STN1: variants seen among roughly 807,000 people sequenced by gnomAD.
STN1 encodes STN1 subunit of CST complex.
A neutral mutation model predicts 45.5 loss-of-function variants in STN1; 29 were observed. The observed-to-expected ratio is 0.64, with a 90% CI of 0.47 to 0.87. STN1 has a LOEUF of 0.87. Among genes scored for constraint, STN1 ranks in the 40% least tolerant of loss-of-function variants. STN1 has a pLI of 0.00. For synonymous variants in STN1, 148 were observed against 159.0 expected (o/e 0.93, Z 0.52); for missense variants, 376 against 441.4 (o/e 0.85, Z 1.33).
chr10:103,887,174 G>A (rs894498840), intron 9 of STN1, among the ~76,000 whole-genome samples: 1 of 152,192 alleles, frequency 6.6e-6, no homozygotes, highest in African/African-American at 2.4e-5. Flanking sequence ...ACATGTAACA[G>A]CATGCTGTCC....
chr10:103,900,274 C>T (rs1424454831), intron 4 of STN1, 51 bp from the exon 5 acceptor site: 2 of 1,576,878 alleles, frequency 1.3e-6, no homozygotes, highest in Admixed American at 1.7e-5. Flanking sequence ...AACACAATCA[C>T]TCTACCACAT....
chr10:103,908,655 C>T lies in STN1; in HGVS notation c.229+1872G>A, dbSNP rs142882365. On this transcript the variant is annotated intron_variant, in intron 3 of 9. Transcript: ENST00000224950. ...AGCAGTCAGATGCTTTTTATTTTCC[C>T]AAAGCCCACAGATGTTTCATGCTCC... Among the ~76,000 whole-genome samples, 596 of 152,242 alleles carry T rather than the reference C, an allele frequency of 3.9e-3. 8 individuals carry two copies. Among genetic ancestry groups the T allele is most frequent in the Non-Finnish European group, 3.9e-3 (262 of 67,996 alleles).
At chr10:103,906,071 T>C (rs563695079) in intron 3 of STN1, among the ~76,000 whole-genome samples, 91 of 152,318 alleles carry the variant, frequency 6.0e-4, no homozygotes, top group African/African-American at 2.0e-3. Context: ...AGGCAAAATT[T>C]GTTACTGCTG....
chr10:103,914,358 A>ATTT (rs1564636116), intron 2 of STN1, among the ~76,000 whole-genome samples: 2 of 12,796 alleles, frequency 1.6e-4, no homozygotes, highest in Middle Eastern at 0.056. Flanking sequence ...ATATATATAT[A>ATTT]TATATATATA....
chr10:103,917,875 A>G (rs572449224), intron 1 of STN1, among the ~76,000 whole-genome samples: 33 of 152,274 alleles, frequency 2.2e-4, no homozygotes, highest in Non-Finnish European at 3.7e-4. Flanking sequence ...CCTTCCCACA[A>G]AGCACCAACT....
Position 103,900,144 on chromosome 10 carries a change from C to G in STN1, c.375G>C (p.Lys125Asn). 6.2e-7 allele frequency: 1 copy of G among 1,614,166 alleles called. No individual in the cohort carries two copies. Among genetic ancestry groups the G allele is most frequent in the Non-Finnish European group, 8.5e-7 (1 of 1,180,020 alleles). ...CTCGGATCGTGTCCCCGATCTCTAT[C>G]TTTGTTTTCTGCTCAATGGTCTCTT... ...KLQETIEQKT[K>N]IEIGDTIRVR... Residue 125 changes from lysine to asparagine, a missense_variant, in exon 5 of 10, where the codon AAG becomes AAC. Coordinates refer to ENST00000224950, the MANE Select transcript of STN1 (RefSeq NM_024928.5).
At position 103,881,446 on chromosome 10, in the gene STN1, C is replaced by G. The variant is rs1320609365; in HGVS notation, c.*1238G>C. Among the ~76,000 whole-genome samples the G allele has an allele frequency of 3.3e-5, 5 of 152,156 alleles. No homozygotes were observed. The highest frequency in any genetic ancestry group is 1.2e-4 in the African/African-American group (5 of 41,410). On this transcript the variant is annotated 3_prime_UTR_variant, in exon 10 of 10. Transcript: ENST00000224950. ...GTACACAGAGAAGATGCAGGGCAGC[C>G]ACTACATAATCACTGTTAGAAATCA...
chr10:103,898,225 T>C (rs1418240002), intron 6 of STN1: 3 of 153,356 alleles, frequency 2.0e-5, no homozygotes, highest in African/African-American at 7.2e-5. Flanking sequence ...GGATACACAG[T>C]AAAGTCTCCT....
chr10:103,892,371 C>CA (rs1293675474), intron 7 of STN1, 119 bp from the exon 8 acceptor site: 2 of 855,160 alleles, frequency 2.3e-6, no homozygotes, highest in African/African-American at 1.7e-5. Context: ...ACTGCTGAGT[C>CA]AAAAAGATCC....
At chr10:103,892,654 A>T (rs1843147382) in intron 7 of STN1, among the ~76,000 whole-genome samples, 1 of 152,056 alleles carries the variant, frequency 6.6e-6, no homozygotes, top group Non-Finnish European at 1.5e-5. Context: ...GACTTCAAAG[A>T]TTTTTTGTAT....
At chr10:103,913,087 G>C (rs1048797326) in intron 2 of STN1, among the ~76,000 whole-genome samples, 1 of 152,236 alleles carries the variant, frequency 6.6e-6, no homozygotes, top group East Asian at 1.9e-4. Flanking sequence ...TACCACTGTC[G>C]TGGTTTTAAT....
chr10:103,884,089 C>CAAAAAAA (rs35521096), intron 9 of STN1, among the ~76,000 whole-genome samples: 6 of 49,794 alleles, frequency 1.2e-4, no homozygotes, highest in African/African-American at 4.0e-4. Flanking sequence ...GACTCCATCT[C>CAAAAAAA]AAAAAAAAAA....
chr10:103,909,592 CAT>C (rs1053143536), intron 3 of STN1, among the ~76,000 whole-genome samples: 11 of 149,022 alleles, frequency 7.4e-5, no homozygotes, highest in Non-Finnish European at 7.4e-5. Flanking sequence ...TTATTTTTCA[CAT>C]GTTATTTTAT....
At chr10:103,905,019 G>T in intron 4 of STN1, 72 bp downstream of exon 4, 2 of 1,370,616 alleles carry the variant, frequency 1.5e-6, no homozygotes, top group Admixed American at 1.7e-5. Flanking sequence ...CCCTATAGCT[G>T]TTTTGATGAA....
intron 3 of STN1, among the ~76,000 whole-genome samples, chr10:103,905,595 T>TTGACACCC (rs2134370576): frequency 6.6e-6 from 1 of 152,280 alleles, no homozygotes; most frequent in South Asian, 2.1e-4. Context: ...CACAGGCACT[T>TTGACACCC]AGGGCGCAGC....
chr10:103,881,565 C>T lies in STN1; in HGVS notation c.*1119G>A, dbSNP rs1843068992. 6.6e-6 allele frequency among the ~76,000 whole-genome samples: 1 copy of T among 152,214 alleles called. No individual in the cohort carries two copies. The highest frequency in any genetic ancestry group is 6.5e-5 in the Admixed American group (1 of 15,290). On this transcript the variant is annotated 3_prime_UTR_variant, in exon 10 of 10. Transcript: ENST00000224950. ...CGTATCGAGCTGCAGCGGACTTCTGCGTATAAAGACTGTCCTGTTTCCACG... is the reference window on the plus strand; with the variant it reads ...CGTATCGAGCTGCAGCGGACTTCTGTGTATAAAGACTGTCCTGTTTCCACG...
At chr10:103,917,258 T>TAAAAAAA (rs5787502) in intron 2 of STN1, among the ~76,000 whole-genome samples, 1 of 90,686 alleles carries the variant, frequency 1.1e-5, no homozygotes, top group Admixed American at 1.1e-4. Flanking sequence ...AAACACCTAC[T>TAAAAAAA]AAAAAAAAAA....
At chr10:103,892,366 T>G (rs975948627) in intron 7 of STN1, 114 bp from the exon 8 acceptor site, 2 of 939,222 alleles carry the variant, frequency 2.1e-6, no homozygotes, top group Non-Finnish European at 3.1e-6. Context: ...TTTTAACTGC[T>G]GAGTCAAAAA....
rs757883251 is a variant in STN1, at chr10:103,917,524, A to G, written c.71T>C (p.Leu24Pro). 2 of 1,614,180 alleles carry G rather than the reference A, an allele frequency of 1.2e-6. No individual in the cohort carries two copies. Among genetic ancestry groups the G allele is most frequent in the South Asian group, 1.1e-5 (1 of 91,086 alleles). The change falls in exon 2 of 10, where the codon CTA becomes CCA. Residue 24 changes from leucine (L) to proline (P), a missense_variant. Physicochemically the swap from Leu to Pro is moderately conservative, Grantham distance 98. Coordinates refer to ENST00000224950, the MANE Select transcript of STN1 (RefSeq NM_024928.5). ...CCTGATGTAGAGTTTTGCAAAGGCT[A>G]GAAACACAGGATCCAAACCCCACAA... ...SLLWGLDPVFLAFAKLYIRDI... is the reference protein window; with the variant it reads ...SLLWGLDPVFPAFAKLYIRDI...
Sources: allele counts gnomAD v4.1 joint callset (sites outside exome capture counted in the v4.1 genomes callset), GRCh38; gene constraint gnomAD v4.1.1; transcripts MANE v1.5; gene names NCBI Gene and HGNC (gene_info 2026-07-23, HGNC 2026-07-21).